The following KLHL32 variants were observed in gnomAD, a reference collection of about 807,000 sequenced individuals.
KLHL32 encodes the protein kelch-like protein 32.
In KLHL32, 35 loss-of-function variants were observed where a neutral mutation model predicts 64.8. The ratio of observed to expected loss-of-function variants is 0.54; its 90% CI spans 0.41 to 0.72. The LOEUF (loss-of-function observed/expected upper bound fraction) is 0.72. KLHL32 is among the 30% of genes least tolerant of loss of function. The probability of loss-of-function intolerance (pLI) is 0.00; values close to 1 mark genes in which losing one functional copy is unlikely to be tolerated. For synonymous variants in KLHL32, 259 were observed against 281.0 expected (o/e 0.92, Z 0.78); for missense variants, 589 against 768.5 (o/e 0.77, Z 2.76).
chr6:97,121,645 GT>G (rs1239060863), intron 7 of KLHL32, among the ~76,000 whole-genome samples: 1 of 151,414 alleles, frequency 6.6e-6, no homozygotes, highest in African/African-American at 2.4e-5. Flanking sequence ...GTTTTGTTTT[GT>G]TTTTTTTAAT....
chr6:97,122,760 A>G (rs368979411), intron 7 of KLHL32, among the ~76,000 whole-genome samples: 2 of 152,224 alleles, frequency 1.3e-5, no homozygotes, highest in Non-Finnish European at 2.9e-5. Context: ...TGAGGAATGT[A>G]TCATCATCAC....
the KLHL32 span, among the ~76,000 whole-genome samples, chr6:96,908,149 GT>G: frequency 1.6e-4 from 25 of 152,312 alleles, no homozygotes; most frequent in African/African-American, 6.0e-4. Flanking sequence ...GCTACCAATG[GT>G]AGAGTTGTGT....
chr6:96,966,827 G>C (rs992036558), intron 1 of KLHL32, among the ~76,000 whole-genome samples, 169 bp from the exon 2 acceptor site: 2 of 152,166 alleles, frequency 1.3e-5, no homozygotes, highest in Non-Finnish European at 2.9e-5. Context: ...AAAATATCCA[G>C]AACAATTACT....
rs144461175 is a variant in KLHL32, at chr6:96,935,539, G to A, written c.-66+10513G>A. On this transcript the variant is annotated intron_variant, in intron 1 of 10. Coordinates refer to ENST00000369261, the MANE Select transcript of KLHL32 (RefSeq NM_052904.4). ...GAGGGAACACTAACTGTGAAACCGC[G>A]TCTATCATCAATTGATTTTGAACTT... Among the ~76,000 whole-genome samples, 15 of 152,280 alleles carry A rather than the reference G, an allele frequency of 9.9e-5. No homozygotes were observed. In the East Asian group the frequency reaches 1.4e-3, roughly 14 times the overall value.
intron 3 of KLHL32, among the ~76,000 whole-genome samples, chr6:97,013,800 A>T (rs1400349650): frequency 1.3e-5 from 2 of 152,216 alleles, no homozygotes; most frequent in Non-Finnish European, 2.9e-5. Flanking sequence ...GTATTATGGG[A>T]GTCAAGCCAA....
intron 10 of KLHL32, among the ~76,000 whole-genome samples, chr6:97,133,647 TTG>T (rs1431880324): frequency 2.0e-5 from 3 of 152,208 alleles, no homozygotes; most frequent in African/African-American, 7.2e-5. Flanking sequence ...CATATAGTTG[TTG>T]TGTTATCCTT....
intron 3 of KLHL32, among the ~76,000 whole-genome samples, chr6:97,003,456 C>G (rs1194603617): frequency 1.3e-5 from 2 of 152,216 alleles, no homozygotes; most frequent in East Asian, 3.9e-4. Flanking sequence ...CCTGTTTACT[C>G]TGTTGATAGT....
At chr6:97,111,039 G>T (rs911318297) in intron 6 of KLHL32, among the ~76,000 whole-genome samples, 13 of 151,094 alleles carry the variant, frequency 8.6e-5, no homozygotes, top group East Asian at 5.8e-4. Context: ...TTGGGGGGGG[G>T]GGGTCTTAGC....
the KLHL32 span, among the ~76,000 whole-genome samples, chr6:96,905,192 GAA>G: frequency 2.0e-5 from 3 of 152,150 alleles, no homozygotes; most frequent in African/African-American, 7.2e-5. Context: ...AAAAAAAAGT[GAA>G]AAGATGCAAA....
chr6:97,084,174 T>C (rs1793034923), intron 5 of KLHL32, among the ~76,000 whole-genome samples: 1 of 152,236 alleles, frequency 6.6e-6, no homozygotes, highest in Admixed American at 6.5e-5. Flanking sequence ...GATAGCATTA[T>C]ACATTCCTCA....
In KLHL32 at chr6:96,934,393, G is replaced by A. The variant is rs75562073; in HGVS notation, c.-66+9367G>A. On this transcript the variant is annotated intron_variant, in intron 1 of 10. Transcript: ENST00000369261. ...ACTCTGCTTCTTATTCCTACCTTCCGAGGACCAGCCAGGCCATCTGGATCT... is the reference window on the plus strand; with the variant it reads ...ACTCTGCTTCTTATTCCTACCTTCCAAGGACCAGCCAGGCCATCTGGATCT... Among the ~76,000 whole-genome samples, 1,109 of 152,234 alleles carry A rather than the reference G, an allele frequency of 7.3e-3. 26 individuals are homozygous for A. The highest frequency in any genetic ancestry group is 0.025 in the African/African-American group (1,047 of 41,532).
chr6:96,901,004 CG>C, the KLHL32 span, among the ~76,000 whole-genome samples: 1 of 152,192 alleles, frequency 6.6e-6, no homozygotes, highest in East Asian at 1.9e-4. Context: ...ATACTGGGAG[CG>C]GGGGGTAGTG....
the KLHL32 span, among the ~76,000 whole-genome samples, chr6:96,901,973 G>T: frequency 1.3e-5 from 2 of 152,142 alleles, no homozygotes; most frequent in Non-Finnish European, 2.9e-5. Flanking sequence ...ATTTTATCCA[G>T]TCTATCATTG....
chr6:97,015,678 C>T (rs1045693754), intron 3 of KLHL32, among the ~76,000 whole-genome samples: 1 of 152,096 alleles, frequency 6.6e-6, no homozygotes, highest in African/African-American at 2.4e-5. Flanking sequence ...TCTGGGGAGA[C>T]GTTCAAGCTG....
intron 3 of KLHL32, among the ~76,000 whole-genome samples, chr6:96,996,072 G>A (rs959356149): frequency 5.9e-5 from 9 of 152,336 alleles, no homozygotes; most frequent in Middle Eastern, 3.4e-3. Flanking sequence ...CCCTCTGACA[G>A]TGGGTACACA....
At chr6:97,073,399 G>T (rs1273568251) in intron 5 of KLHL32, among the ~76,000 whole-genome samples, 6 of 152,130 alleles carry the variant, frequency 3.9e-5, no homozygotes. Flanking sequence ...TACTGAAATT[G>T]TACTTTAATA....
chr6:96,935,092 C>T (rs1424655070), intron 1 of KLHL32, among the ~76,000 whole-genome samples: 5 of 152,062 alleles, frequency 3.3e-5, no homozygotes, highest in African/African-American at 7.2e-5. Flanking sequence ...AATGAATTGC[C>T]GACATCTACA....
intron 5 of KLHL32, among the ~76,000 whole-genome samples, chr6:97,076,950 A>G (rs1412351378): frequency 2.0e-5 from 3 of 152,154 alleles, no homozygotes; most frequent in African/African-American, 4.8e-5. Context: ...AAGCAATAAA[A>G]TTTGAAATTT....
chr6:96,996,625 G>A (rs1432783319), intron 3 of KLHL32, among the ~76,000 whole-genome samples: 1 of 152,092 alleles, frequency 6.6e-6, no homozygotes, highest in East Asian at 1.9e-4. Context: ...AATGTAATTG[G>A]TATACCAGTT....
Sources: allele counts gnomAD v4.1 joint callset (sites outside exome capture counted in the v4.1 genomes callset), GRCh38; gene constraint gnomAD v4.1.1; transcripts MANE v1.5; gene names NCBI Gene and HGNC (gene_info 2026-07-23, HGNC 2026-07-21).